The following EPS15 variants were observed in gnomAD, a reference collection of about 807,000 sequenced individuals.
The protein encoded by EPS15 is epidermal growth factor receptor substrate 15.
In EPS15, 72 loss-of-function variants were observed where a neutral mutation model predicts 113.8. The observed-to-expected ratio is 0.63, with a 90% CI of 0.52 to 0.77. EPS15 has a LOEUF of 0.77. Ranked by LOEUF, EPS15 falls within the 30% of genes least tolerant of loss-of-function variation. The pLI is 0.00. For synonymous variants in EPS15, 344 were observed against 363.4 expected, an observed-to-expected ratio of 0.95 and a Z score of 0.61; for missense variants, 1,048 against 1,045.8, an observed-to-expected ratio of 1.00 and a Z score of -0.03.
At chr1:51,418,543 A>G (rs1406081268) in intron 13 of EPS15, among the ~76,000 whole-genome samples, 5 of 152,132 alleles carry the variant, frequency 3.3e-5, no homozygotes, top group Admixed American at 3.3e-4. Context: ...AGAGCAAAAT[A>G]AGTTGGTAGT....
Position 51,408,206 on chromosome 1 carries a change from C to T in EPS15, c.1402G>A (p.Val468Ile), listed in dbSNP as rs1271251607. 2 of 1,614,114 alleles carry T rather than the reference C, an allele frequency of 1.2e-6. No individual in the cohort carries two copies. Among genetic ancestry groups the T allele is most frequent in the Non-Finnish European group, 8.5e-7 (1 of 1,179,960 alleles). ...QQETAELEES[V>I]ESGKAQLEPL... ...TCCAACTGAGCCTTCCCTGACTCTA[C>T]ACTCTCCTCCAATTCTGCTGTTTCT... Residue 468 changes from valine (V) to isoleucine (I), a missense_variant, in exon 15 of 25, where the codon GTA becomes ATA. Physicochemically the swap from Val to Ile is conservative, Grantham distance 29 (BLOSUM62 3). Transcript: ENST00000371733.
chr1:51,466,761 AG>A (rs1431874588), intron 5 of EPS15, among the ~76,000 whole-genome samples: 1 of 152,116 alleles, frequency 6.6e-6, no homozygotes, highest in African/African-American at 2.4e-5. Context: ...CAGGCTCAGT[AG>A]TACATGCCAA....
chr1:51,461,215 G>A (rs1417879003), intron 7 of EPS15, 65 bp from the exon 8 acceptor site: 3 of 1,215,332 alleles, frequency 2.5e-6, no homozygotes, highest in Non-Finnish European at 3.7e-6. Context: ...TCGAGGGCAA[G>A]AAAAGAAAGT....
intron 8 of EPS15, among the ~76,000 whole-genome samples, chr1:51,454,876 G>A (rs1258642181): frequency 6.6e-6 from 1 of 151,680 alleles, no homozygotes; most frequent in Non-Finnish European, 1.5e-5. Context: ...ATGGAAAACT[G>A]TGCTCTCTGC....
chr1:51,387,430 G>A (rs1003939699), intron 21 of EPS15, among the ~76,000 whole-genome samples: 1 of 151,456 alleles, frequency 6.6e-6, no homozygotes, highest in Non-Finnish European at 1.5e-5. Context: ...AAAATCACCA[G>A]CTAACATCAT....
In EPS15 at chr1:51,361,302, G is replaced by A; in HGVS notation, c.2413C>T (p.Pro805Ser). 6.2e-7 allele frequency: 1 copy of A among 1,613,862 alleles called. No individual in the cohort carries two copies. The highest frequency in any genetic ancestry group is 8.5e-7 in the Non-Finnish European group (1 of 1,179,804). Residue 805 changes from proline (P) to serine (S), a missense_variant, in exon 24 of 25, where the codon CCA becomes TCA. By Grantham distance (74) the Pro-to-Ser change is moderately conservative. Coordinates refer to ENST00000371733, the MANE Select transcript of EPS15 (RefSeq NM_001981.3). ...TCGTTGCCTGGGAAAGGCTGAAATG[G>A]ATCATTCAGTTTAAAGGGATCAGGA... ...DSPDPFKLND[P>S]FQPFPGNDSP...
At chr1:51,502,664 T>A (rs531581587) in intron 1 of EPS15, among the ~76,000 whole-genome samples, 17 of 152,134 alleles carry the variant, frequency 1.1e-4, no homozygotes, top group Non-Finnish European at 4.4e-5. Context: ...ATAAAAAAAT[T>A]TTTGTTTTTA....
chr1:51,450,065 T>C (rs1653411061), intron 8 of EPS15, among the ~76,000 whole-genome samples: 2 of 151,836 alleles, frequency 1.3e-5, no homozygotes, highest in South Asian at 4.2e-4. Flanking sequence ...ACTCAAGAGA[T>C]GGCCAAGGAG....
At chr1:51,451,785 T>C (rs967266147) in intron 8 of EPS15, among the ~76,000 whole-genome samples, 4 of 152,184 alleles carry the variant, frequency 2.6e-5, no homozygotes, top group Non-Finnish European at 5.9e-5. Context: ...TTTCAGAGCA[T>C]GAAAGTTTTC....
chr1:51,376,937 TG>T (rs1457218506), intron 21 of EPS15, among the ~76,000 whole-genome samples: 1 of 152,140 alleles, frequency 6.6e-6, no homozygotes, highest in East Asian at 1.9e-4. Context: ...GAAAACCTCC[TG>T]GGAAGGATTC....
chr1:51,435,321 G>A (rs1652065259), intron 12 of EPS15, among the ~76,000 whole-genome samples: 1 of 152,080 alleles, frequency 6.6e-6, no homozygotes. Context: ...AGCCTCCTGA[G>A]TAGCTGGGAT....
At chr1:51,385,713 T>C (rs1385832634) in intron 21 of EPS15, among the ~76,000 whole-genome samples, 2 of 152,162 alleles carry the variant, frequency 1.3e-5, no homozygotes, top group African/African-American at 4.8e-5. Flanking sequence ...TAGAATATTA[T>C]CAAGTCTGAA....
chr1:51,375,326 G>A lies in EPS15; in HGVS notation c.2120-9297C>T, dbSNP rs537144874. Among the ~76,000 whole-genome samples the A allele has an allele frequency of 1.8e-4, 28 of 152,202 alleles. 1 individual carries two copies. Among genetic ancestry groups the A allele is most frequent in the Admixed American group, 1.4e-3 (21 of 15,278 alleles). ...ATATTTAATATGCTTCTATCCCTAT[G>A]ATAACAAGTATATTTTAGAGGTTGG... On this transcript the variant is annotated intron_variant, in intron 21 of 24. Transcript: ENST00000371733.
intron 1 of EPS15, among the ~76,000 whole-genome samples, chr1:51,508,452 T>C (rs1223412014): frequency 6.6e-6 from 1 of 152,104 alleles, no homozygotes; most frequent in African/African-American, 2.4e-5. Flanking sequence ...CAATTCTATT[T>C]ATCAAATGTC....
Position 51,447,099 on chromosome 1 carries a change from C to G in EPS15, c.658G>C (p.Val220Leu). The G allele has an allele frequency of 1.9e-6, 3 of 1,606,346 alleles. No homozygotes were observed. Among genetic ancestry groups the G allele is most frequent in the Non-Finnish European group, 2.5e-6 (3 of 1,177,896 alleles). Residue 220 changes from valine to leucine, a missense_variant, in exon 10 of 25, where the codon GTA becomes CTA. Physicochemically the swap from Val to Leu is conservative, Grantham distance 32 (BLOSUM62 1). Coordinates refer to ENST00000371733, the MANE Select transcript of EPS15 (RefSeq NM_001981.3). Reference protein sequence around the residue: ...VPPSKRKTWVVSPAEKAKYDE... With the variant: ...VPPSKRKTWVLSPAEKAKYDE... ...TATTTAGCTTTTTCTGCAGGGGATA[C>G]AACCCACTACAGGGAGGAAAAAAAA...
chr1:51,360,019 A>G (rs916462026), intron 24 of EPS15, among the ~76,000 whole-genome samples: 6 of 152,004 alleles, frequency 3.9e-5, no homozygotes, highest in African/African-American at 1.5e-4. Context: ...AGCTGGGACT[A>G]CAGGTGCTTA....
intron 23 of EPS15, among the ~76,000 whole-genome samples, chr1:51,362,233 T>C (rs1646403234): frequency 6.6e-6 from 1 of 152,208 alleles, no homozygotes; most frequent in South Asian, 2.1e-4. Flanking sequence ...CCAATAATCC[T>C]GTGAAAGTAG....
At chr1:51,374,996 CTTTTTTTTTTTTTTT>C (rs761941054) in intron 21 of EPS15, among the ~76,000 whole-genome samples, 2 of 108,772 alleles carry the variant, frequency 1.8e-5, no homozygotes, top group Non-Finnish European at 3.7e-5. Context: ...TAATATACTT[CTTTTTTTTTTTTTTT>C]TTTTTTTTGA....
intron 2 of EPS15, among the ~76,000 whole-genome samples, chr1:51,479,169 T>C (rs770098824): frequency 1.3e-5 from 2 of 152,208 alleles, no homozygotes; most frequent in Non-Finnish European, 2.9e-5. Flanking sequence ...TTTACTCTTT[T>C]TTCTCTAAAC....
Sources: gnomAD v4.1 joint callset for allele counts (sites outside exome capture counted in the v4.1 genomes callset) on GRCh38, gnomAD v4.1.1 for gene constraint, MANE v1.5 for transcripts, NCBI Gene and HGNC (gene_info 2026-07-23, HGNC 2026-07-21) for gene names.